The following PTPRN2 variants were observed in gnomAD, a reference collection of about 807,000 sequenced individuals.
PTPRN2 encodes receptor-type tyrosine-protein phosphatase N2.
In PTPRN2, 74 loss-of-function variants were observed where a neutral mutation model predicts 118.8. That is an observed-to-expected ratio of 0.62 (90% CI 0.52 to 0.76). PTPRN2 has a LOEUF of 0.76. PTPRN2 is among the 30% of genes least tolerant of loss of function. PTPRN2 has a pLI of 0.00. For synonymous variants in PTPRN2, 641 were observed against 608.0 expected (o/e 1.05, Z -0.80); for missense variants, 1,481 against 1,394.4 (o/e 1.06, Z -0.99).
At chr7:157,620,757 A>C (rs1488463191) in intron 15 of PTPRN2, among the ~76,000 whole-genome samples, 1 of 152,144 alleles carries the variant, frequency 6.6e-6, no homozygotes, top group Non-Finnish European at 1.5e-5. Flanking sequence ...CGCAGAGGGG[A>C]GATTCCCAGG....
chr7:158,034,730 C>T (rs757255928), intron 11 of PTPRN2, among the ~76,000 whole-genome samples: 1 of 152,184 alleles, frequency 6.6e-6, no homozygotes, highest in Admixed American at 6.5e-5. Flanking sequence ...CACCCTGAGT[C>T]CAGCACCTCA....
At chr7:157,810,809 G>T (rs1178231152) in intron 12 of PTPRN2, among the ~76,000 whole-genome samples, 1 of 150,890 alleles carries the variant, frequency 6.6e-6, no homozygotes, top group Non-Finnish European at 1.5e-5. Context: ...CTGGGCACAG[G>T]CTTTCCACGG....
At chr7:157,754,499 G>A (rs1387925309) in intron 12 of PTPRN2, among the ~76,000 whole-genome samples, 1 of 152,222 alleles carries the variant, frequency 6.6e-6, no homozygotes, top group Non-Finnish European at 1.5e-5. Flanking sequence ...GTCCCCCCTT[G>A]GCTGTGTCAG....
rs1586257645 is a variant in PTPRN2, at chr7:158,322,888, C to T, written c.164-5956G>A. Among the ~76,000 whole-genome samples, 3 of 152,310 alleles carry T rather than the reference C, an allele frequency of 2.0e-5. No individual in the cohort carries two copies. The South Asian group carries it at 6.2e-4, about 32-fold the overall frequency. On this transcript the variant is annotated intron_variant, in intron 2 of 22. Transcript: ENST00000389418. ...TTGCCAGGAGCCCATGGCGGGTAAACAGAGCAGCCCCAACCAGGGGATGGT... is the reference window on the plus strand; with the variant it reads ...TTGCCAGGAGCCCATGGCGGGTAAATAGAGCAGCCCCAACCAGGGGATGGT...
intron 2 of PTPRN2, among the ~76,000 whole-genome samples, chr7:158,484,893 G>A (rs1385592686): frequency 1.3e-5 from 2 of 152,194 alleles, no homozygotes; most frequent in African/African-American, 4.8e-5. Context: ...AGTTGGAGAC[G>A]TGAAGGCTGT....
At chr7:158,197,290 T>C (rs1826281515) in intron 4 of PTPRN2, among the ~76,000 whole-genome samples, 1 of 152,184 alleles carries the variant, frequency 6.6e-6, no homozygotes, top group Admixed American at 6.5e-5. Context: ...AACATGACCA[T>C]CTGGTACTTG....
chr7:158,339,322 C>T (rs1806233869), intron 2 of PTPRN2, among the ~76,000 whole-genome samples: 1 of 8,304 alleles, frequency 1.2e-4, no homozygotes, highest in Non-Finnish European at 2.4e-4. Flanking sequence ...CACACCCACA[C>T]TCTCAACCAT....
chr7:158,290,803 C>T (rs1800073505), intron 3 of PTPRN2, among the ~76,000 whole-genome samples: 1 of 152,166 alleles, frequency 6.6e-6, no homozygotes. Context: ...ACCTGGTTTC[C>T]TTAGCACTTG....
chr7:157,681,819 AC>A (rs1166076320), intron 13 of PTPRN2, among the ~76,000 whole-genome samples: 1 of 152,260 alleles, frequency 6.6e-6, no homozygotes, highest in East Asian at 1.9e-4. Flanking sequence ...TATTTACAAG[AC>A]GTATTGCACA....
At chr7:158,350,978 G>A (rs908102224) in intron 2 of PTPRN2, among the ~76,000 whole-genome samples, 1 of 152,124 alleles carries the variant, frequency 6.6e-6, no homozygotes, top group Non-Finnish European at 1.5e-5. Flanking sequence ...GCCCATTCAG[G>A]TGCCAGTTCC....
At chr7:158,440,995 C>T (rs1343997269) in intron 2 of PTPRN2, among the ~76,000 whole-genome samples, 11 of 105,144 alleles carry the variant, frequency 1.0e-4, no homozygotes, top group African/African-American at 2.9e-4. Flanking sequence ...GTGGTGATGG[C>T]AGTGATGGGG....
At chr7:157,836,407 C>T (rs1352950964) in intron 12 of PTPRN2, among the ~76,000 whole-genome samples, 1 of 152,146 alleles carries the variant, frequency 6.6e-6, no homozygotes, top group Non-Finnish European at 1.5e-5. Flanking sequence ...AAACAGTAAG[C>T]CACATAGATT....
Position 158,555,236 on chromosome 7 carries a change from C to T in PTPRN2, c.112+32322G>A, listed in dbSNP as rs1427738734. 1.3e-5 allele frequency among the ~76,000 whole-genome samples: 2 copies of T among 152,236 alleles called. No homozygotes were observed. Among genetic ancestry groups the T allele is most frequent in the African/African-American group, 4.8e-5 (2 of 41,468 alleles). ...GAAATCACAAGTTTTCCATCTTCAG[C>T]AGCTCTTACGACTGCAAGATCCCAC... On this transcript the variant is annotated intron_variant, in intron 1 of 22. Coordinates refer to ENST00000389418, the MANE Select transcript of PTPRN2 (RefSeq NM_002847.5). The surrounding 1 kb of genome is among the most constrained non-coding windows in gnomAD (Gnocchi z 4.7).
intron 11 of PTPRN2, among the ~76,000 whole-genome samples, chr7:158,058,204 C>T (rs868807121): frequency 6.7e-6 from 1 of 150,284 alleles, no homozygotes; most frequent in Admixed American, 6.6e-5. Context: ...CACACTCCAT[C>T]TGCCCACGGT....
At chr7:158,037,656 T>A (rs1585246849) in intron 11 of PTPRN2, among the ~76,000 whole-genome samples, 1 of 152,250 alleles carries the variant, frequency 6.6e-6, no homozygotes. Context: ...ACTGAAACGC[T>A]GTTATGTGGC....
intron 12 of PTPRN2, among the ~76,000 whole-genome samples, chr7:157,804,425 A>T (rs1475860065): frequency 1.3e-5 from 2 of 152,204 alleles, no homozygotes; most frequent in Non-Finnish European, 2.9e-5. Context: ...TGCAGTGGTG[A>T]ACAACTCCAG....
At position 157,585,876 on chromosome 7, in the gene PTPRN2, C is replaced by A. The variant is rs1420185111; in HGVS notation, c.2497-7736G>T. 6.6e-6 allele frequency among the ~76,000 whole-genome samples: 1 copy of A among 152,190 alleles called. No homozygotes were observed. The highest frequency in any genetic ancestry group is 2.4e-5 in the African/African-American group (1 of 41,444). Reference sequence around the variant, plus strand: ...AGTCAGAAAGGAAAGCCGGACCTGTCCTTTCTACTTGAGTCCCATTTTAAA... The same window carrying A: ...AGTCAGAAAGGAAAGCCGGACCTGTACTTTCTACTTGAGTCCCATTTTAAA... On this transcript the variant is annotated intron_variant, in intron 17 of 22. Transcript: ENST00000389418. This position sits in a 1 kb window ranked among gnomAD's most constrained non-coding sequence, Gnocchi z 5.2.
chr7:158,395,482 G>C (rs1263011290), intron 2 of PTPRN2, among the ~76,000 whole-genome samples: 1 of 108,060 alleles, frequency 9.3e-6, no homozygotes, highest in African/African-American at 3.8e-5. Flanking sequence ...CGAGGGGCCA[G>C]GGGCGAGGGG....
intron 2 of PTPRN2, among the ~76,000 whole-genome samples, chr7:158,403,387 T>TC (rs1586584168): frequency 1.3e-5 from 2 of 152,146 alleles, no homozygotes; most frequent in African/African-American, 4.8e-5. Flanking sequence ...TGGCAAGGAT[T>TC]CCACCCTGAC....
Sources: allele counts gnomAD v4.1 joint callset (sites outside exome capture counted in the v4.1 genomes callset), GRCh38; gene constraint gnomAD v4.1.1; non-coding constraint Gnocchi (gnomAD v3.1); transcripts MANE v1.5; gene names NCBI Gene and HGNC (gene_info 2026-07-23, HGNC 2026-07-21).